Variants in UBR4 observed in about 807,000 individuals in gnomAD.
UBR4 encodes the protein ubiquitin protein ligase E3 component n-recognin 4, also known as E3 ubiquitin-protein ligase UBR4.
A neutral mutation model predicts 575.6 loss-of-function variants in UBR4; 124 were observed. The ratio of observed to expected loss-of-function variants is 0.22; its 90% CI spans 0.19 to 0.25. UBR4 has a LOEUF of 0.25. Ranked by LOEUF, UBR4 falls within the 10% of genes least tolerant of loss-of-function variation. The probability of loss-of-function intolerance (pLI) is 1.00; values close to 1 mark genes in which losing one functional copy is unlikely to be tolerated. For missense variants in UBR4, 4,818 were observed against 6,478.8 expected (o/e 0.74, Z 8.80); for synonymous variants, 2,455 against 2,473.7 (o/e 0.99, Z 0.22).
At chr1:19,086,561 C>G in intron 100 of UBR4, 118 bp downstream of exon 100, 3 of 1,424,676 alleles carry the variant, frequency 2.1e-6, no homozygotes, top group Non-Finnish European at 2.9e-6. Context: ...TCAGGCAGAA[C>G]ACCCTACTCT....
intron 9 of UBR4, among the ~76,000 whole-genome samples, chr1:19,192,852 G>A (rs1351371107): frequency 2.6e-5 from 4 of 151,730 alleles, no homozygotes; most frequent in African/African-American, 7.3e-5. Context: ...GCGTGATCCC[G>A]GCTCACTGAA....
rs144777632 is a variant in UBR4, at chr1:19,146,522, C to G, written c.7804+304G>C. Among the ~76,000 whole-genome samples the G allele has an allele frequency of 4.3e-3, 648 of 152,248 alleles. 1 individual carries two copies. Among genetic ancestry groups the G allele is most frequent in the Non-Finnish European group, 7.5e-3 (510 of 68,004 alleles). The stretch of plus-strand genomic sequence containing the variant: ...ATAGTTGCTTTAAAGCAACCAGGGC[C>G]CAACCAAGCTTAGCTTTCCCCTGAA... On this transcript the variant is annotated intron_variant, in intron 52 of 105. Transcript: ENST00000375254.
In UBR4 at chr1:19,086,278, G is replaced by C. The variant is rs761397988; in HGVS notation, c.14688-8C>G. 1.7e-5 allele frequency: 27 copies of C among 1,589,770 alleles called. No individual in the cohort carries two copies. In the South Asian group the frequency reaches 3.0e-4, roughly 18 times the overall value. ...TCCCGGCCTCGAGCCAACCTGGATA[G>C]GGAGGAGAGCAGGGACAAGCGACTG... On this transcript the variant is annotated splice_polypyrimidine_tract_variant and splice_region_variant and intron_variant, in intron 100 of 105. Coordinates refer to ENST00000375254, the MANE Select transcript of UBR4 (RefSeq NM_020765.3).
Position 19,151,651 on chromosome 1 carries a change from T to C in UBR4, c.7205A>G (p.Asn2402Ser). The change falls in exon 48 of 106, where the codon AAC becomes AGC. Residue 2402 changes from asparagine (N) to serine (S), a missense_variant. Physicochemically the swap from Asn to Ser is conservative, Grantham distance 46 (BLOSUM62 1). Around this residue, in one of 29 missense-constraint regions of UBR4, gnomAD observed 340 missense variants for 375.4 expected, o/e 0.91. Coordinates refer to ENST00000375254, the MANE Select transcript of UBR4 (RefSeq NM_020765.3). Reference protein sequence around the residue: ...EEALQADKKLNLFIGASVDPA... With the variant: ...EEALQADKKLSLFIGASVDPA... ...AGGGGTTGGTGACTCACTGAAGAGG[T>C]TCAGCTTCTTATCAGCCTGCAGGGC... 3 of 1,614,050 alleles carry C rather than the reference T, an allele frequency of 1.9e-6. No homozygotes were observed. The highest frequency in any genetic ancestry group is 2.5e-6 in the Non-Finnish European group (3 of 1,179,976).
intron 13 of UBR4, 83 bp from the exon 14 acceptor site, chr1:19,186,740 A>AC (rs2091563945): frequency 7.4e-7 from 1 of 1,359,232 alleles, no homozygotes; most frequent in Non-Finnish European, 1.0e-6. Flanking sequence ...AATCTCTTTT[A>AC]TTTTTTCCTA....
chr1:19,208,466 C>CA (rs71030137), intron 1 of UBR4, among the ~76,000 whole-genome samples: 22,949 of 75,944 alleles, frequency 0.3, 3,594 homozygotes, highest in East Asian at 0.62. Flanking sequence ...GAATCCATCT[C>CA]AAAAAAAAAA....
At chr1:19,113,364 G>A in intron 77 of UBR4, 1 of 331,422 alleles carries the variant, frequency 3.0e-6, no homozygotes, top group Non-Finnish European at 5.6e-6. Flanking sequence ...GTTATCAGAA[G>A]AGGGAACAGA....
At chr1:19,115,332 A>T in intron 74 of UBR4, 66 bp downstream of exon 74, 1 of 1,572,412 alleles carries the variant, frequency 6.4e-7, no homozygotes, top group Non-Finnish European at 8.6e-7. Flanking sequence ...GCTCACACTG[A>T]CACTACTACA....
chr1:19,104,790 T>G lies in UBR4; in HGVS notation c.12646-124A>C, dbSNP rs1387851508. ...AGTTACATCTTCTTAATCGAACCCT[T>G]GCAGAACTCCTTTCCAGGAAGCCAA... is the stretch of plus-strand genomic sequence containing the variant. On this transcript the variant is annotated intron_variant, in intron 85 of 105. Transcript: ENST00000375254. The G allele has an allele frequency of 1.5e-5, 18 of 1,174,958 alleles. No individual in the cohort carries two copies. In the East Asian group the frequency reaches 4.4e-4, roughly 28 times the overall value. The allele number at this position is 1,174,958 out of a possible 1,614,324, so 72.8% of individuals were successfully genotyped here.
At chr1:19,081,981 A>C in intron 102 of UBR4, 1 of 582,988 alleles carries the variant, frequency 1.7e-6, no homozygotes, top group South Asian at 2.3e-5. Context: ...TGGGGCCAAA[A>C]ACATGAATCA....
intron 104 of UBR4, 126 bp from the exon 105 acceptor site, chr1:19,077,028 A>G: frequency 1.0e-6 from 1 of 1,004,326 alleles, no homozygotes; most frequent in Non-Finnish European, 1.4e-6. Context: ...AAAGCATACC[A>G]ACAGGCACCC....
intron 19 of UBR4, 57 bp from the exon 20 acceptor site, chr1:19,176,784 C>T: frequency 1.3e-6 from 2 of 1,587,922 alleles, no homozygotes; most frequent in African/African-American, 1.3e-5. Context: ...TTCAGCTTTT[C>T]ACTCAGGCAT....
At chr1:19,174,623 T>C (rs2090022106) in intron 21 of UBR4, among the ~76,000 whole-genome samples, 176 bp from the exon 22 acceptor site, 1 of 152,264 alleles carries the variant, frequency 6.6e-6, no homozygotes, top group Non-Finnish European at 1.5e-5. Context: ...TTGCAAGCTA[T>C]TGTGAGCACA....
At position 19,134,936 on chromosome 1, in the gene UBR4, T is replaced by C. The variant is rs111997268; in HGVS notation, c.8906+3071A>G. ...AGGGGAGGAGAAAATGAATAGCTGC[T>C]GAGAATATAGTCCAGTTTATAGGTT... On this transcript the variant is annotated intron_variant, in intron 60 of 105. Coordinates refer to ENST00000375254, the MANE Select transcript of UBR4 (RefSeq NM_020765.3). Among the ~76,000 whole-genome samples, 60 of 152,306 alleles carry C rather than the reference T, an allele frequency of 3.9e-4. 1 individual carries two copies. The South Asian group carries it at 7.5e-3, about 19-fold the overall frequency.
chr1:19,098,783 T>G (rs763930297), intron 90 of UBR4, among the ~76,000 whole-genome samples: 2 of 152,324 alleles, frequency 1.3e-5, no homozygotes, highest in South Asian at 4.1e-4. Context: ...ATTTAGTTTC[T>G]CAAACTCTAC....
At chr1:19,132,122 A>G (rs2082541588) in intron 60 of UBR4, among the ~76,000 whole-genome samples, 2 of 152,348 alleles carry the variant, frequency 1.3e-5, no homozygotes, top group Admixed American at 1.3e-4. Flanking sequence ...TGTGAGCTGC[A>G]GCCAAAGCAA....
At chr1:19,151,272 C>T (rs985224526) in intron 48 of UBR4, 10 of 346,540 alleles carry the variant, frequency 2.9e-5, no homozygotes, top group African/African-American at 2.1e-4. Flanking sequence ...AAGCCATTGC[C>T]AACCATCTCT....
Position 19,154,964 on chromosome 1 carries a change from T to A in UBR4, c.6412A>T (p.Arg2138Trp). Residue 2138 changes from arginine (R) to tryptophan (W), a missense_variant, in exon 44 of 106, where the codon AGG (arginine) becomes TGG (tryptophan). This residue lies in a region of UBR4 where 461 missense variants were observed against 606.9 expected (regional missense o/e 0.76). Transcript: ENST00000375254. ...AGTTGCAACACCTCCAGGGTTGTCC[T>A]GCTGATGGTGGCTGCGAATGATTTG... ...QGKSFAATISRTTLEVLQLFP... is the reference protein window; with the variant it reads ...QGKSFAATISWTTLEVLQLFP... 6.2e-7 allele frequency: 1 copy of A among 1,614,218 alleles called. No individual in the cohort carries two copies. Among genetic ancestry groups the A allele is most frequent in the Non-Finnish European group, 8.5e-7 (1 of 1,180,016 alleles).
Position 19,153,279 on chromosome 1 carries a change from G to A in UBR4, c.6832+22C>T, listed in dbSNP as rs1333088542. 3 of 1,612,998 alleles carry A rather than the reference G, an allele frequency of 1.9e-6. No homozygotes were observed. Among genetic ancestry groups the A allele is most frequent in the Admixed American group, 1.7e-5 (1 of 60,000 alleles). On this transcript the variant is annotated intron_variant, in intron 46 of 105. Coordinates refer to ENST00000375254, the MANE Select transcript of UBR4 (RefSeq NM_020765.3). This position sits in a 1 kb window ranked among gnomAD's most constrained non-coding sequence, Gnocchi z 4.1. Reference sequence around the variant, plus strand: ...GACCACCATTCCTACTCCCCCACAAGTCATCTGAGAAGGAGCCTTACTGAT... The same window carrying A: ...GACCACCATTCCTACTCCCCCACAAATCATCTGAGAAGGAGCCTTACTGAT...
Sources: allele counts gnomAD v4.1 joint callset (sites outside exome capture counted in the v4.1 genomes callset), GRCh38; gene constraint gnomAD v4.1.1; regional missense constraint gnomAD v4.1.1; non-coding constraint Gnocchi (gnomAD v3.1); transcripts MANE v1.5; gene names NCBI Gene and HGNC (gene_info 2026-07-23, HGNC 2026-07-21).